The following PDK3 variants were observed in gnomAD, a reference collection of about 807,000 sequenced individuals.
PDK3 encodes the protein pyruvate dehydrogenase kinase, isozyme 3.
PDK3 carries 12 observed loss-of-function variants against 32.0 expected under a neutral mutation model. The observed-to-expected ratio is 0.37, with a 90% CI of 0.24 to 0.61. PDK3 has a LOEUF of 0.61. PDK3 is among the 20% of genes least tolerant of loss of function. The pLI, the probability that PDK3 is intolerant of heterozygous loss-of-function variation, is 0.65. For synonymous variants in PDK3, 122 were observed against 116.3 expected, an observed-to-expected ratio of 1.05 and a Z score of -0.31; for missense variants, 188 against 316.9, an observed-to-expected ratio of 0.59 and a Z score of 3.09.
Position 24,533,854 on chromosome X carries a change from A to G in PDK3, c.1078-75A>G. On this transcript the variant is annotated intron_variant, in intron 10 of 10. Coordinates refer to ENST00000379162, the MANE Select transcript of PDK3 (RefSeq NM_005391.5). ...TAAGGTTTCTGATGTTTTAAATAAT[A>G]AAATTTGGGTTACTATTTCACTTGA... 2.8e-6 allele frequency: 3 copies of G among 1,052,687 alleles called. No homozygotes were observed. In the African/African-American group the frequency reaches 5.6e-5, roughly 20 times the overall value. The allele number at this position is 1,052,687 out of a possible 1,213,427, so 86.8% of individuals were successfully genotyped here.
At chrX:24,496,525 C>G (rs1441148828) in intron 2 of PDK3, among the ~76,000 whole-genome samples, 1 of 97,590 alleles carries the variant, frequency 1.0e-5, no homozygotes, top group Non-Finnish European at 2.0e-5. Flanking sequence ...ATATGTAGAA[C>G]TTGTTCTCAC....
At chrX:24,521,240 C>T (rs1446540518) in intron 6 of PDK3, among the ~76,000 whole-genome samples, 1 of 97,257 alleles carries the variant, frequency 1.0e-5, no homozygotes, top group African/African-American at 3.9e-5. Flanking sequence ...GATCACATGA[C>T]TGCACTCCAG....
chrX:24,488,363 C>T (rs1377442052), intron 1 of PDK3, among the ~76,000 whole-genome samples: 1 of 112,088 alleles, frequency 8.9e-6, no homozygotes, highest in Non-Finnish European at 1.9e-5. Flanking sequence ...TAGTAATTGT[C>T]TCCAGCTTCC....
At chrX:24,529,997 C>T (rs781068516) in intron 9 of PDK3, among the ~76,000 whole-genome samples, 1 of 111,729 alleles carries the variant, frequency 9.0e-6, no homozygotes, top group South Asian at 3.8e-4. Flanking sequence ...GAGGTCCAGA[C>T]CCCTCCTCTG....
At chrX:24,503,268 T>A (rs1364621839) in intron 3 of PDK3, 59 bp from the exon 4 acceptor site, 266 of 811,830 alleles carry the variant, frequency 3.3e-4, no homozygotes, top group Non-Finnish European at 3.9e-4. Flanking sequence ...AGCTGGGAAG[T>A]CTGTGCATCA....
rs1922522617 is a variant in PDK3, at chrX:24,526,327, A to C, written c.750+53A>C. 7 of 794,028 alleles carry C rather than the reference A, an allele frequency of 8.8e-6. No individual in the cohort carries two copies. The South Asian group carries it at 1.6e-4, about 18-fold the overall frequency. 65.4% of individuals were successfully genotyped at this position (794,028 alleles called of 1,213,427 possible). A position where few individuals can be genotyped will look rare whatever the true frequency, so the allele number is the denominator to read the frequency against. ...GAAGTCTTCATTTTAAATTACTTTGATTCAGGGCATAATGGATTCATTAGA... is the reference window on the plus strand; with the variant it reads ...GAAGTCTTCATTTTAAATTACTTTGCTTCAGGGCATAATGGATTCATTAGA... On this transcript the variant is annotated intron_variant, in intron 7 of 10. Transcript: ENST00000379162.
At chrX:24,490,465 A>G (rs748578706) in intron 1 of PDK3, among the ~76,000 whole-genome samples, 126 of 111,854 alleles carry the variant, frequency 1.1e-3, no homozygotes, top group African/African-American at 3.8e-3. Context: ...GACCTTTGTC[A>G]TCAACGCCCC....
At chrX:24,499,235 A>G (rs1255743428) in intron 3 of PDK3, among the ~76,000 whole-genome samples, 1 of 110,766 alleles carries the variant, frequency 9.0e-6, no homozygotes, top group Non-Finnish European at 1.9e-5. Flanking sequence ...ATATACATGA[A>G]TTTATCTACT....
rs781166988 is a variant in PDK3 at position 24,533,977 on chromosome X, G to A, written c.1126G>A (p.Ala376Thr). 12 of 1,207,074 alleles carry A rather than the reference G, an allele frequency of 9.9e-6. No homozygotes were observed. The highest frequency in any genetic ancestry group is 7.0e-5 in the African/African-American group (4 of 57,166). Residue 376 changes from alanine to threonine, a missense_variant, in exon 11 of 11, where the codon GCA becomes ACA. Transcript: ENST00000379162. ...FERLPVFNKS[A>T]WRHYKTTPEA... ...GAGACTTCCAGTTTTTAATAAGTCC[G>A]CATGGCGCCATTACAAGACCACGCC... is the stretch of plus-strand genomic sequence containing the variant.
At chrX:24,466,766 C>T (rs994593145) in intron 1 of PDK3, among the ~76,000 whole-genome samples, 4 of 111,766 alleles carry the variant, frequency 3.6e-5, no homozygotes, top group African/African-American at 9.8e-5. Flanking sequence ...TCTGCATCTT[C>T]AAACTTCACT....
intron 2 of PDK3, 56 bp from the exon 3 acceptor site, chrX:24,498,773 C>T: frequency 2.8e-6 from 2 of 720,013 alleles, no homozygotes; most frequent in South Asian, 3.0e-5. Context: ...GGGGTGGATG[C>T]TGGGCAGGCA....
At position 24,503,387 on chromosome X, in the gene PDK3, A is replaced by C; in HGVS notation, c.381A>C (p.Ala127=). Residue 127 remains alanine (A), a synonymous_variant, in exon 4 of 11, where the codon GCA becomes GCC. Transcript: ENST00000379162. ...ACAATGATGTGGTTCCTACAATGGC[A>C]CAAGGAGTGATTGAATACAAGGAGA... is the stretch of plus-strand genomic sequence containing the variant. ...NRHNDVVPTM[A]QGVIEYKEKF... 3 of 1,203,456 alleles carry C rather than the reference A, an allele frequency of 2.5e-6. No individual in the cohort carries two copies. The highest frequency in any genetic ancestry group is 2.3e-6 in the Non-Finnish European group (2 of 888,234).
exon 12 of PDK3, among the ~76,000 whole-genome samples, chrX:24,542,385 A>G (rs1321576640): frequency 8.9e-6 from 1 of 112,676 alleles, no homozygotes; most frequent in Non-Finnish European, 1.9e-5. Flanking sequence ...CTACACAGGT[A>G]TATCGGTTTT....
chrX:24,503,966 A>G (rs1921923990), intron 4 of PDK3, among the ~76,000 whole-genome samples: 1 of 112,550 alleles, frequency 8.9e-6, no homozygotes, highest in Non-Finnish European at 1.9e-5. Context: ...CACAGTGATC[A>G]GTGAAGTCAG....
In PDK3 at chrX:24,468,013, T is replaced by C. The variant is rs375117882; in HGVS notation, c.106+2452T>C. ...AGTTGGCCCACAGGCTGCTAGTTTATGAACTTGATGCCTTTCTCCATGGGT... is the reference window on the plus strand; with the variant it reads ...AGTTGGCCCACAGGCTGCTAGTTTACGAACTTGATGCCTTTCTCCATGGGT... On this transcript the variant is annotated intron_variant, in intron 1 of 10. Transcript: ENST00000379162. Among the ~76,000 whole-genome samples the C allele has an allele frequency of 1.3e-4, 15 of 112,156 alleles. 1 individual carries two copies. The East Asian group carries it at 3.9e-3, about 29-fold the overall frequency.
rs6628016 is a variant in PDK3, at chrX:24,521,612, G to A, written c.673+2602G>A. ...TCACATCTGCAGGTAGTAACAAATTGCTCTTTTGCGTGAGTGGCAGCCTCC... is the reference window on the plus strand; with the variant it reads ...TCACATCTGCAGGTAGTAACAAATTACTCTTTTGCGTGAGTGGCAGCCTCC... On this transcript the variant is annotated intron_variant, in intron 6 of 10. Transcript: ENST00000379162. 2.1e-3 allele frequency among the ~76,000 whole-genome samples: 229 copies of A among 111,308 alleles called. 5 individuals are homozygous for A. The East Asian group carries it at 0.058, about 28-fold the overall frequency.
intron 1 of PDK3, among the ~76,000 whole-genome samples, chrX:24,465,770 C>T (rs749743946): frequency 1.8e-5 from 2 of 112,054 alleles, no homozygotes; most frequent in Admixed American, 1.9e-4. Context: ...CCCGGAGACA[C>T]AGAAACGGCG....
chrX:24,520,086 G>A (rs1334205195), intron 6 of PDK3, among the ~76,000 whole-genome samples: 1 of 111,645 alleles, frequency 9.0e-6, no homozygotes, highest in Non-Finnish European at 1.9e-5. Context: ...TCAGCTACTT[G>A]GGAGACTGAG....
chrX:24,466,331 C>T (rs938113280), intron 1 of PDK3, among the ~76,000 whole-genome samples: 4 of 112,127 alleles, frequency 3.6e-5, no homozygotes, highest in African/African-American at 9.7e-5. Flanking sequence ...GATTCCACCA[C>T]CTTCTGTTAA....
Sources: gnomAD v4.1 joint callset for allele counts (sites outside exome capture counted in the v4.1 genomes callset) on GRCh38, gnomAD v4.1.1 for gene constraint, MANE v1.5 for transcripts, NCBI Gene and HGNC (gene_info 2026-07-23, HGNC 2026-07-21) for gene names.